The following NBPF26 variants were observed in gnomAD, a reference collection of about 807,000 sequenced individuals.
NBPF26 encodes NBPF family member NBPF26.
In NBPF26, 79 loss-of-function variants were observed where a neutral mutation model predicts 119.6. The observed-to-expected ratio is 0.66, with a 90% CI of 0.55 to 0.80. NBPF26 has a LOEUF of 0.80. Among genes scored for constraint, NBPF26 ranks in the 30% least tolerant of loss-of-function variants. NBPF26 has a pLI of 0.00. For synonymous variants in NBPF26, 299 were observed against 457.7 expected, an observed-to-expected ratio of 0.65 and a Z score of 4.43; for missense variants, 800 against 1,198.2, an observed-to-expected ratio of 0.67 and a Z score of 4.91.
intron 1 of NBPF26, among the ~76,000 whole-genome samples, chr1:120,759,256 ACTT>A (rs1651107921): frequency 2.1e-5 from 1 of 48,662 alleles, no homozygotes; most frequent in Admixed American, 2.2e-4. Context: ...GAAATCTACT[ACTT>A]CTTTTTGCTT....
At chr1:120,791,315 A>G (rs1227411870) in intron 3 of NBPF26, among the ~76,000 whole-genome samples, 2 of 85,028 alleles carry the variant, frequency 2.4e-5, no homozygotes, top group African/African-American at 8.6e-5. Context: ...CCAAAGAATT[A>G]TAAATCGTGC....
chr1:120,813,640 C>A (rs1385657234), intron 10 of NBPF26, among the ~76,000 whole-genome samples: 3 of 128,512 alleles, frequency 2.3e-5, no homozygotes, highest in Non-Finnish European at 4.8e-5. Flanking sequence ...GACTCCACTT[C>A]GTTGTGGTTG....
chr1:120,793,033 G>A, intron 3 of NBPF26, 128 bp from the exon 4 acceptor site: 1 of 556,782 alleles, frequency 1.8e-6, no homozygotes, highest in East Asian at 2.9e-5. Context: ...CTCTGATTTA[G>A]CCTTTTGTAA....
rs1171423912 is a variant in NBPF26, at chr1:120,793,359, A to G, written c.614A>G (p.Tyr205Cys). ...ACCTGCCTCAACCTGCCTGGTTCCT[A>G]CCAGTGCCAGTGCCTTCAGGGCTTC... Residue 205 changes from tyrosine (Y) to cysteine (C), a missense_variant, in exon 4 of 30, where the codon TAC (tyrosine) becomes TGC (cysteine). Physicochemically the swap from Tyr to Cys is radical, Grantham distance 194. Coordinates refer to ENST00000620612, the Ensembl canonical transcript of NBPF26. The G allele has an allele frequency of 2.1e-6, 3 of 1,423,768 alleles. No individual in the cohort carries two copies. In the South Asian group the frequency reaches 3.6e-5, roughly 17 times the overall value. The allele number at this position is 1,423,768 out of a possible 1,614,324, so 88.2% of individuals were successfully genotyped here. A position where few individuals can be genotyped will look rare whatever the true frequency, so the allele number is the denominator to read the frequency against.
chr1:120,802,787 A>T (rs1484450979), intron 4 of NBPF26, among the ~76,000 whole-genome samples: 1 of 116,268 alleles, frequency 8.6e-6, no homozygotes, highest in Non-Finnish European at 1.7e-5. Context: ...AGTTGTGTTC[A>T]CTAGATCAGA....
At chr1:120,785,322 A>G in intron 3 of NBPF26, 89 bp downstream of exon 3, 1 of 924,486 alleles carries the variant, frequency 1.1e-6, no homozygotes, top group Non-Finnish European at 1.6e-6. Context: ...TGGCTCTTAA[A>G]TGTCCCCCAG....
At chr1:120,813,371 C>T (rs1651924114) in intron 10 of NBPF26, among the ~76,000 whole-genome samples, 2 of 127,690 alleles carry the variant, frequency 1.6e-5, no homozygotes, top group Non-Finnish European at 3.2e-5. Context: ...TTATGTGTCA[C>T]ACTTTATGCT....
In NBPF26 at chr1:120,820,443, T is replaced by TAAAA. The variant is rs1322042495; in HGVS notation, c.2424-1659_2424-1656dup. ...ACATGTACCCTAAGACTTAAAGTATTAAAAATATATATATATATATATATA... is the reference window on the plus strand; with the variant it reads ...ACATGTACCCTAAGACTTAAAGTATTAAAAAAAAATATATATATATATATATATA... On this transcript the variant is annotated intron_variant, in intron 15 of 29. Transcript: ENST00000620612. 7.6e-4 allele frequency among the ~76,000 whole-genome samples: 14 copies of TAAAA among 18,516 alleles called. 1 individual carries two copies. The highest frequency in any genetic ancestry group is 3.1e-3 in the East Asian group (3 of 970). 12.1% of individuals were successfully genotyped at this position (18,516 alleles called of 152,430 possible). A position where few individuals can be genotyped will look rare whatever the true frequency, so the allele number is the denominator to read the frequency against.
chr1:120,806,529 G>A (rs1651688730), intron 5 of NBPF26, among the ~76,000 whole-genome samples: 1 of 124,232 alleles, frequency 8.0e-6, no homozygotes. Context: ...GCAGGCAGAT[G>A]TTGCAGTGAG....
Position 120,742,299 on chromosome 1 carries a change from CTG to C in NBPF26, c.73+18060_73+18061del, listed in dbSNP as rs1470934073. ...TGAATTAAGTATCTCTGATTTAACT[CTG>C]TGTGTGTGTGCGTGTGTGTGTGTGT... On this transcript the variant is annotated intron_variant, in intron 1 of 29. Coordinates refer to ENST00000620612, the Ensembl canonical transcript of NBPF26. 6.9e-5 allele frequency among the ~76,000 whole-genome samples: 2 copies of C among 29,058 alleles called. 1 individual carries two copies. The highest frequency in any genetic ancestry group is 6.5e-4 in the Admixed American group (2 of 3,064). The allele number at this position is 29,058 out of a possible 152,430, so 19.1% of individuals were successfully genotyped here.
At chr1:120,814,687 C>T (rs1571039999) in intron 11 of NBPF26, 142 bp from the exon 12 acceptor site, 1 of 629,078 alleles carries the variant, frequency 1.6e-6, no homozygotes, top group East Asian at 2.6e-5. Context: ...TTTCTCTTGG[C>T]CACAGACATT....
At chr1:120,813,414 T>A (rs1405122721) in intron 10 of NBPF26, among the ~76,000 whole-genome samples, 1 of 127,776 alleles carries the variant, frequency 7.8e-6, no homozygotes, top group East Asian at 2.0e-4. Context: ...TAACTGGAGA[T>A]ATGATTTAAA....
chr1:120,809,627 T>C (rs1651806793), intron 7 of NBPF26, among the ~76,000 whole-genome samples, 184 bp from the exon 8 acceptor site: 1 of 150,674 alleles, frequency 6.6e-6, no homozygotes, highest in Non-Finnish European at 1.5e-5. Context: ...GCCCTCCACA[T>C]CAGAAATGCA....
Position 120,745,200 on chromosome 1 carries a change from G to A in NBPF26, c.74-18428G>A, listed in dbSNP as rs1276337684. On this transcript the variant is annotated intron_variant, in intron 1 of 29. Coordinates refer to ENST00000620612, the Ensembl canonical transcript of NBPF26. ...TGCAAAGCCACATTCTTTACTGCAC[G>A]CTTTAGTCCATGGTTTTTTAAACTG... Among the ~76,000 whole-genome samples, 8 of 110,388 alleles carry A rather than the reference G, an allele frequency of 7.2e-5. 2 individuals are homozygous for A. The highest frequency in any genetic ancestry group is 5.1e-4 in the South Asian group (2 of 3,944). 72.4% of individuals were successfully genotyped at this position (110,388 alleles called of 152,430 possible).
At chr1:120,793,451 T>C (rs1414696068) in exon 4 of NBPF26, 1 of 1,434,300 alleles carries the variant, frequency 7.0e-7, no homozygotes, top group Non-Finnish European at 9.3e-7. Context: ...TGGAGGCACC[T>C]GTCGGCAGAC....
intron 1 of NBPF26, among the ~76,000 whole-genome samples, chr1:120,724,633 T>C (rs1650796394): frequency 8.2e-6 from 1 of 121,266 alleles, no homozygotes; most frequent in South Asian, 2.5e-4. Flanking sequence ...TCGGAGGGGC[T>C]GAGCGAAGGA....
chr1:120,781,901 T>G lies in NBPF26; in HGVS notation c.156-3073T>G, dbSNP rs1173213408. Among the ~76,000 whole-genome samples, 2 of 112,902 alleles carry G rather than the reference T, an allele frequency of 1.8e-5. 1 individual carries two copies. The highest frequency in any genetic ancestry group is 3.4e-5 in the Non-Finnish European group (2 of 59,690). 74.1% of individuals were successfully genotyped at this position (112,902 alleles called of 152,430 possible). The stretch of plus-strand genomic sequence containing the variant: ...CTTTCTAAGCTTCGAGTTCCTCATA[T>G]ATAAAATGGAGATTATAATATAGCA... On this transcript the variant is annotated intron_variant, in intron 2 of 29. Transcript: ENST00000620612.
At position 120,811,098 on chromosome 1, in the gene NBPF26, AT is replaced by A. The variant is rs1168687070; in HGVS notation, c.1564+542del. On this transcript the variant is annotated intron_variant, in intron 9 of 29. Transcript: ENST00000620612. ...TACTAAAAATACAAAAAAAAAAAAA[AT>A]TAGCTGGGTGTGGTGGTGGGTGCCT... is the stretch of plus-strand genomic sequence containing the variant. Among the ~76,000 whole-genome samples the A allele has an allele frequency of 1.9e-5, 2 of 104,704 alleles. 1 individual carries two copies. Among genetic ancestry groups the A allele is most frequent in the African/African-American group, 1.2e-4 (2 of 16,858 alleles). 68.7% of individuals were successfully genotyped at this position (104,704 alleles called of 152,430 possible).
intron 2 of NBPF26, among the ~76,000 whole-genome samples, chr1:120,770,733 A>T (rs1651254389): frequency 8.4e-6 from 1 of 118,988 alleles, no homozygotes; most frequent in African/African-American, 4.8e-5. Context: ...ATGTACTGTC[A>T]CCTTGAGTCT....
Sources: allele counts gnomAD v4.1 joint callset (sites outside exome capture counted in the v4.1 genomes callset), GRCh38; gene constraint gnomAD v4.1.1; transcripts MANE v1.5; gene names NCBI Gene and HGNC (gene_info 2026-07-23, HGNC 2026-07-21).